BCAS3: variants seen among roughly 807,000 people sequenced by gnomAD.
BCAS3 encodes the protein BCAS3 microtubule associated cell migration factor.
In BCAS3, 53 loss-of-function variants were observed where a neutral mutation model predicts 116.1. The observed-to-expected ratio is 0.46, with a 90% CI of 0.37 to 0.57. The LOEUF is 0.57. Ranked by LOEUF, BCAS3 falls within the 20% of genes least tolerant of loss-of-function variation. The pLI is 0.00. For synonymous variants in BCAS3, 391 were observed against 408.2 expected (o/e 0.96, Z 0.51); for missense variants, 917 against 1,165.4 (o/e 0.79, Z 3.10).
At chr17:61,137,713 GC>G (rs2076718622) in intron 22 of BCAS3, among the ~76,000 whole-genome samples, 1 of 152,374 alleles carries the variant, frequency 6.6e-6, no homozygotes, top group South Asian at 2.1e-4. Flanking sequence ...AGATTGCAGA[GC>G]CAAGATTGCA....
chr17:60,805,354 G>A (rs1297314271), intron 6 of BCAS3, among the ~76,000 whole-genome samples: 2 of 151,890 alleles, frequency 1.3e-5, no homozygotes, highest in African/African-American at 4.8e-5. Flanking sequence ...TAAAAGATAA[G>A]GTATCTTAAA....
intron 18 of BCAS3, among the ~76,000 whole-genome samples, chr17:61,039,051 T>C (rs2145614818): frequency 6.6e-6 from 1 of 152,298 alleles, no homozygotes; most frequent in Non-Finnish European, 1.5e-5. Context: ...CTGCAATCAG[T>C]TCTCATCACC....
intron 14 of BCAS3, among the ~76,000 whole-genome samples, chr17:60,969,658 T>G (rs1318227074): frequency 1.3e-5 from 2 of 152,188 alleles, no homozygotes; most frequent in African/African-American, 4.8e-5. Flanking sequence ...TTGAAAGACA[T>G]ACATTTACAA....
At position 61,342,766 on chromosome 17, in the gene BCAS3, T is replaced by G. The variant is rs79031155; in HGVS notation, c.2426-25561T>G. 3.9e-5 allele frequency among the ~76,000 whole-genome samples: 6 copies of G among 151,926 alleles called. No homozygotes were observed. In the South Asian group the frequency reaches 1.0e-3, roughly 26 times the overall value. ...ATTTTCTTTTCTTTTTTTTTTTTTT[T>G]TGTGAGATAAAGTCTCCCTCTGTAG... On this transcript the variant is annotated intron_variant, in intron 22 of 23. Coordinates refer to ENST00000407086, the MANE Select transcript of BCAS3 (RefSeq NM_017679.5).
At chr17:61,049,591 T>C (rs1348196715) in intron 19 of BCAS3, among the ~76,000 whole-genome samples, 2 of 151,624 alleles carry the variant, frequency 1.3e-5, no homozygotes, top group Non-Finnish European at 2.9e-5. Flanking sequence ...AAGAAAGGCA[T>C]ACCAAAGTGT....
chr17:61,143,608 G>C (rs2077040689), intron 22 of BCAS3, among the ~76,000 whole-genome samples: 1 of 151,940 alleles, frequency 6.6e-6, no homozygotes. Context: ...TCAGGAGTTC[G>C]AGACCAGCTG....
Position 60,964,143 on chromosome 17 carries a change from C to G in BCAS3, c.1221+16791C>G, listed in dbSNP as rs539200195. 7.2e-5 allele frequency among the ~76,000 whole-genome samples: 11 copies of G among 152,202 alleles called. 1 individual carries two copies. The highest frequency in any genetic ancestry group is 6.5e-4 in the Admixed American group (10 of 15,280). On this transcript the variant is annotated intron_variant, in intron 14 of 23. Coordinates refer to ENST00000407086, the MANE Select transcript of BCAS3 (RefSeq NM_017679.5). This position sits in a 1 kb window ranked among gnomAD's most constrained non-coding sequence, Gnocchi z 4.6. ...TTAGAGGAAAGGCCTTCATTTTTTC[C>G]CTGTTCCGTATGATGGTAGCTGTGG...
At chr17:60,713,688 A>G (rs1473547542) in intron 5 of BCAS3, among the ~76,000 whole-genome samples, 3 of 152,224 alleles carry the variant, frequency 2.0e-5, no homozygotes, top group African/African-American at 7.2e-5. Context: ...CTTAAAGTAT[A>G]TGAGAGAATG....
chr17:60,983,525 GATATGTCTTCAAGGTC>G (rs2062941328), intron 14 of BCAS3, among the ~76,000 whole-genome samples: 1 of 152,086 alleles, frequency 6.6e-6, no homozygotes, highest in Non-Finnish European at 1.5e-5. Context: ...TATATATGCT[GATATGTCTTCAAGGTC>G]ATAGAGCAGA....
At chr17:61,076,547 T>A (rs2072008872) in intron 20 of BCAS3, among the ~76,000 whole-genome samples, 1 of 152,230 alleles carries the variant, frequency 6.6e-6, no homozygotes, top group African/African-American at 2.4e-5. Flanking sequence ...ATCAAAATGT[T>A]GTCCAAGGAA....
rs1377181629 is a variant in BCAS3 at position 61,309,878 on chromosome 17, T to C, written c.2426-58449T>C. Among the ~76,000 whole-genome samples, 1 of 152,140 alleles carries C rather than the reference T, an allele frequency of 6.6e-6. No individual in the cohort carries two copies. The highest frequency in any genetic ancestry group is 1.5e-5 in the Non-Finnish European group (1 of 68,022). ...AATGACAGCTTGTTTAAGGAAGCCA[T>C]GAACTAGCAAATGTAGTTAAAAGAT... is the stretch of plus-strand genomic sequence containing the variant. On this transcript the variant is annotated intron_variant, in intron 22 of 23. Transcript: ENST00000407086. The surrounding 1 kb of genome is among the most constrained non-coding windows in gnomAD (Gnocchi z 4.6).
At chr17:61,334,863 C>T (rs1602776286) in intron 22 of BCAS3, among the ~76,000 whole-genome samples, 1 of 152,174 alleles carries the variant, frequency 6.6e-6, no homozygotes, top group East Asian at 1.9e-4. Flanking sequence ...AAATGCTTGA[C>T]CCACTGATGG....
intron 7 of BCAS3, among the ~76,000 whole-genome samples, chr17:60,860,729 C>T (rs886505961): frequency 2.0e-5 from 3 of 152,134 alleles, no homozygotes; most frequent in Middle Eastern, 3.2e-3. Flanking sequence ...AGTCCCACCA[C>T]CATTTATTGA....
intron 4 of BCAS3, among the ~76,000 whole-genome samples, chr17:60,707,220 C>T (rs1019555043): frequency 1.3e-5 from 2 of 151,962 alleles, no homozygotes; most frequent in African/African-American, 4.8e-5. Context: ...CTCGAATTCC[C>T]GACCTCAGGT....
At position 61,363,608 on chromosome 17, in the gene BCAS3, C is replaced by G. The variant is rs1282215863; in HGVS notation, c.2426-4719C>G. Among the ~76,000 whole-genome samples the G allele has an allele frequency of 6.7e-6, 1 of 150,230 alleles. No homozygotes were observed. The highest frequency in any genetic ancestry group is 1.5e-5 in the Non-Finnish European group (1 of 67,836). The stretch of plus-strand genomic sequence containing the variant: ...ACCTTGTACAGTGCTCGACTCATAT[C>G]ATAGTGGACACTAACTAATATTTGA... On this transcript the variant is annotated intron_variant, in intron 22 of 23. Transcript: ENST00000407086. The surrounding 1 kb of genome is among the most constrained non-coding windows in gnomAD (Gnocchi z 4.9).
chr17:60,847,990 T>C (rs993811209), intron 7 of BCAS3, among the ~76,000 whole-genome samples: 14 of 152,330 alleles, frequency 9.2e-5, no homozygotes, highest in African/African-American at 3.4e-4. Flanking sequence ...CTATTTTGAG[T>C]TGGGGGCTAG....
In BCAS3 at chr17:61,173,704, C is replaced by G. The variant is rs1048104346; in HGVS notation, c.2425+89140C>G. ...GACCAGCTTGGGCAACATAGGAAGA[C>G]CTCACCTCTATAAAACAATTTTAGA... On this transcript the variant is annotated intron_variant, in intron 22 of 23. Transcript: ENST00000407086. Among the ~76,000 whole-genome samples the G allele has an allele frequency of 6.6e-5, 10 of 151,964 alleles. No individual in the cohort carries two copies. In the South Asian group the frequency reaches 2.1e-3, roughly 32 times the overall value.
chr17:61,097,574 T>G lies in BCAS3; in HGVS notation c.2425+13010T>G, dbSNP rs2074060463. 1.3e-5 allele frequency among the ~76,000 whole-genome samples: 2 copies of G among 152,132 alleles called. No individual in the cohort carries two copies. Among genetic ancestry groups the G allele is most frequent in the South Asian group, 4.1e-4 (2 of 4,832 alleles). Reference sequence around the variant, plus strand: ...TTTAAGTTTCCTTGGCAGTGTGAGATCCCCATGTCTGAATAATCAAGAGGC... The same window carrying G: ...TTTAAGTTTCCTTGGCAGTGTGAGAGCCCCATGTCTGAATAATCAAGAGGC... On this transcript the variant is annotated intron_variant, in intron 22 of 23. Coordinates refer to ENST00000407086, the MANE Select transcript of BCAS3 (RefSeq NM_017679.5). The surrounding 1 kb of genome is among the most constrained non-coding windows in gnomAD (Gnocchi z 4.0).
At chr17:61,143,025 T>C (rs996580821) in intron 22 of BCAS3, among the ~76,000 whole-genome samples, 2 of 152,190 alleles carry the variant, frequency 1.3e-5, no homozygotes, top group African/African-American at 4.8e-5. Context: ...TCTTTCTGAT[T>C]ATTTATTAAA....
Sources: allele counts gnomAD v4.1 joint callset (sites outside exome capture counted in the v4.1 genomes callset), GRCh38; gene constraint gnomAD v4.1.1; non-coding constraint Gnocchi (gnomAD v3.1); transcripts MANE v1.5; gene names NCBI Gene and HGNC (gene_info 2026-07-23, HGNC 2026-07-21).